KLHL6: variants seen among roughly 807,000 people sequenced by gnomAD.
KLHL6 encodes the protein kelch like family member 6, also known as kelch-like protein 6.
A neutral mutation model predicts 58.6 loss-of-function variants in KLHL6; 41 were observed. The ratio of observed to expected loss-of-function variants is 0.70; its 90% confidence interval spans 0.55 to 0.91. The LOEUF (loss-of-function observed/expected upper bound fraction) is 0.91. KLHL6 is among the 40% of genes least tolerant of loss of function. KLHL6 has a pLI of 0.00. For missense variants in KLHL6, 714 were observed against 805.6 expected (o/e 0.89, Z 1.38); for synonymous variants, 338 against 322.7 (o/e 1.05, Z -0.51).
chr3:183,550,152 AG>A (rs1712862454), intron 1 of KLHL6, among the ~76,000 whole-genome samples: 1 of 152,226 alleles, frequency 6.6e-6, no homozygotes, highest in Non-Finnish European at 1.5e-5. Context: ...GATTCTCAAC[AG>A]GTTGGAAGAT....
intron 3 of KLHL6, among the ~76,000 whole-genome samples, chr3:183,500,960 C>T (rs1717850829): frequency 6.6e-6 from 1 of 152,252 alleles, no homozygotes; most frequent in Non-Finnish European, 1.5e-5. Flanking sequence ...GACCAGCCAA[C>T]TCCCAGCCTC....
intron 1 of KLHL6, among the ~76,000 whole-genome samples, chr3:183,531,453 T>A (rs796790051): frequency 3.2e-5 from 4 of 124,154 alleles, no homozygotes; most frequent in Non-Finnish European, 6.4e-5. Context: ...GTTTTTTTTT[T>A]TTTTTTTTTT....
At chr3:183,528,072 T>C (rs1192248326) in intron 1 of KLHL6, 62 bp from the exon 2 acceptor site, 3 of 1,585,600 alleles carry the variant, frequency 1.9e-6, no homozygotes, top group Non-Finnish European at 2.6e-6. Flanking sequence ...CCTAAAGAGA[T>C]CCCCTTTCAG....
chr3:183,545,979 T>C (rs1224982263), intron 1 of KLHL6, among the ~76,000 whole-genome samples: 2 of 152,240 alleles, frequency 1.3e-5, no homozygotes, highest in Non-Finnish European at 2.9e-5. Flanking sequence ...GTTCGTTCAC[T>C]TCACGCATTT....
chr3:183,491,798 G>A lies in KLHL6; in HGVS notation c.*129C>T. 1 of 771,430 alleles carries A rather than the reference G, an allele frequency of 1.3e-6. No homozygotes were observed. The highest frequency in any genetic ancestry group is 1.9e-6 in the Non-Finnish European group (1 of 528,316). 47.8% of individuals were successfully genotyped at this position (771,430 alleles called of 1,614,324 possible). ...GTGACTTCCAAGGTTCCCCCAAAGT[G>A]AGTCAAGGGGATCCCCTGATGTATG... On this transcript the variant is annotated 3_prime_UTR_variant, in exon 7 of 7. Coordinates refer to ENST00000341319, the MANE Select transcript of KLHL6 (RefSeq NM_130446.4).
chr3:183,492,356 G>A lies in KLHL6; in HGVS notation c.1565-128C>T. On this transcript the variant is annotated intron_variant, in intron 6 of 6. Transcript: ENST00000341319. The surrounding 1 kb of genome is among the most constrained non-coding windows in gnomAD (Gnocchi z 5.9). ...TGCCAAGAGAAACAGTCGATTGATG[G>A]CTCTCCTGAAAGCCAGAGTGGGTCC... The A allele has an allele frequency of 7.7e-7, 1 of 1,301,772 alleles. No individual in the cohort carries two copies. Among genetic ancestry groups the A allele is most frequent in the East Asian group, 2.5e-5 (1 of 39,760 alleles). 80.6% of individuals were successfully genotyped at this position (1,301,772 alleles called of 1,614,324 possible). A position where few individuals can be genotyped will look rare whatever the true frequency, so the allele number is the denominator to read the frequency against.
At chr3:183,523,296 C>T (rs1711833229) in intron 2 of KLHL6, among the ~76,000 whole-genome samples, 3 of 152,266 alleles carry the variant, frequency 2.0e-5, no homozygotes, top group Non-Finnish European at 2.9e-5. Flanking sequence ...GCTGTCTCAT[C>T]TGCATTAGCC....
At position 183,489,284 on chromosome 3, in the gene KLHL6, A is replaced by G. The variant is rs16857672; in HGVS notation, c.*2643T>C. ...GAGTAAGACTGACTTTTCCTTCACA[A>G]ATCAGTTCACAAATGGTTCTGGTGG... On this transcript the variant is annotated 3_prime_UTR_variant, in exon 7 of 7. Transcript: ENST00000341319. 0.078 allele frequency: 11,804 copies of G among 152,166 alleles called. 1,142 individuals carry two copies. The highest frequency in any genetic ancestry group is 0.22 in the African/African-American group (9,323 of 41,438). The allele number at this position is 152,166 out of a possible 1,614,324, so 9.4% of individuals were successfully genotyped here. A position where few individuals can be genotyped will look rare whatever the true frequency, so the allele number is the denominator to read the frequency against.
intron 1 of KLHL6, among the ~76,000 whole-genome samples, chr3:183,553,123 CAA>C (rs1252248259): frequency 4.6e-5 from 7 of 152,180 alleles, no homozygotes; most frequent in Non-Finnish European, 7.3e-5. Flanking sequence ...TTGAAAATCC[CAA>C]GAGAAGAAGC....
intron 2 of KLHL6, among the ~76,000 whole-genome samples, chr3:183,513,602 G>A (rs1205534766): frequency 6.6e-6 from 1 of 152,166 alleles, no homozygotes; most frequent in Non-Finnish European, 1.5e-5. Flanking sequence ...ATCAAATCAA[G>A]TACTGAAGCT....
Position 183,499,840 on chromosome 3 carries a change from G to A in KLHL6, c.910-13C>T. ...GTTCCGAAATGATCTGGAAATCGAT[G>A]GGGGTACATGAAGGCAGGGACAACA... On this transcript the variant is annotated splice_polypyrimidine_tract_variant and intron_variant, in intron 3 of 6. Transcript: ENST00000341319. The surrounding 1 kb of genome is among the most constrained non-coding windows in gnomAD (Gnocchi z 4.6). The A allele has an allele frequency of 6.4e-7, 1 of 1,553,278 alleles. No individual in the cohort carries two copies. The highest frequency in any genetic ancestry group is 8.7e-7 in the Non-Finnish European group (1 of 1,144,912).
rs1334096928 is a variant in KLHL6, at chr3:183,489,471, T to C, written c.*2456A>G. The C allele has an allele frequency of 6.6e-6, 1 of 152,158 alleles. No individual in the cohort carries two copies. The highest frequency in any genetic ancestry group is 2.4e-5 in the African/African-American group (1 of 41,432). The allele number at this position is 152,158 out of a possible 1,614,324, so 9.4% of individuals were successfully genotyped here. ...CTTGAAGAAAATAAAAACAAGAATA[T>C]TAACTGGTGGCCTATTTACCTGTAT... is the stretch of plus-strand genomic sequence containing the variant. On this transcript the variant is annotated 3_prime_UTR_variant, in exon 7 of 7. Coordinates refer to ENST00000341319, the MANE Select transcript of KLHL6 (RefSeq NM_130446.4).
intron 2 of KLHL6, 152 bp from the exon 3 acceptor site, chr3:183,508,660 G>A: frequency 1.5e-6 from 1 of 647,064 alleles, no homozygotes. Context: ...CATTCATACA[G>A]TAGACTTAAA....
chr3:183,494,354 A>G, intron 4 of KLHL6, 73 bp from the exon 5 acceptor site: 1 of 1,333,498 alleles, frequency 7.5e-7, no homozygotes. Flanking sequence ...AATATCCCAC[A>G]TGTCCAAAAG....
In KLHL6 at chr3:183,508,488, G is replaced by A. The variant is rs1221518359; in HGVS notation, c.480C>T (p.Ala160=). ...NLFQFLRMVD[A]CASFLTEALN... ...AGGCTTCAGTGAGGAAGCTGGCACAGGCATCCACCATCCGCAGGAACTGAT... is the reference window on the plus strand; with the variant it reads ...AGGCTTCAGTGAGGAAGCTGGCACAAGCATCCACCATCCGCAGGAACTGAT... The change falls in exon 3 of 7, where the codon GCC becomes GCT. Residue 160 remains alanine (A), a synonymous_variant. Coordinates refer to ENST00000341319, the MANE Select transcript of KLHL6 (RefSeq NM_130446.4). The A allele has an allele frequency of 1.2e-6, 2 of 1,613,654 alleles. No individual in the cohort carries two copies. Among genetic ancestry groups the A allele is most frequent in the African/African-American group, 1.3e-5 (1 of 74,880 alleles).
At chr3:183,552,906 A>G (rs1712982211) in intron 1 of KLHL6, among the ~76,000 whole-genome samples, 1 of 151,984 alleles carries the variant, frequency 6.6e-6, no homozygotes, top group African/African-American at 2.4e-5. Context: ...GACACTCTGG[A>G]CTTTGGCTCA....
chr3:183,508,176 C>G lies in KLHL6; in HGVS notation c.792G>C (p.Pro264=), dbSNP rs776464906. 3 of 1,614,158 alleles carry G rather than the reference C, an allele frequency of 1.9e-6. No homozygotes were observed. Among genetic ancestry groups the G allele is most frequent in the East Asian group, 4.5e-5 (2 of 44,880 alleles). Residue 264 remains proline, a synonymous_variant, in exon 3 of 7, where the codon CCG becomes CCC. Transcript: ENST00000341319. ...LPYVLENVRL[P]LLDPWYFVET... ...CCACAAAGTACCACGGGTCCAGAAG[C>G]GGTAAGCGCACGTTCTCGAGGACAT...
chr3:183,544,990 G>A lies in KLHL6; in HGVS notation c.293+10371C>T, dbSNP rs536657120. 9.2e-5 allele frequency among the ~76,000 whole-genome samples: 14 copies of A among 152,182 alleles called. No homozygotes were observed. In the South Asian group the frequency reaches 1.2e-3, roughly 14 times the overall value. On this transcript the variant is annotated intron_variant, in intron 1 of 6. Coordinates refer to ENST00000341319, the MANE Select transcript of KLHL6 (RefSeq NM_130446.4). ...ATTTTCCCTCCAGAGCCAAGGCTAGGAGTCTCATAGCAGCCAATAGGCAAA... is the reference window on the plus strand; with the variant it reads ...ATTTTCCCTCCAGAGCCAAGGCTAGAAGTCTCATAGCAGCCAATAGGCAAA...
chr3:183,555,659 C>G lies in KLHL6; in HGVS notation c.-6G>C. On this transcript the variant is annotated 5_prime_UTR_variant, in exon 1 of 7. Coordinates refer to ENST00000341319, the MANE Select transcript of KLHL6 (RefSeq NM_130446.4). Reference sequence around the variant, plus strand: ...CTTTGTCCTGCCATCAACATCGAGACTGAAGGAGCGCCCAAGTGTCAGGCA... The same window carrying G: ...CTTTGTCCTGCCATCAACATCGAGAGTGAAGGAGCGCCCAAGTGTCAGGCA... 6.4e-7 allele frequency: 1 copy of G among 1,573,626 alleles called. No individual in the cohort carries two copies. The highest frequency in any genetic ancestry group is 1.2e-5 in the South Asian group (1 of 85,006).
Sources: gnomAD v4.1 joint callset for allele counts (sites outside exome capture counted in the v4.1 genomes callset) on GRCh38, gnomAD v4.1.1 for gene constraint, Gnocchi (gnomAD v3.1) non-coding constraint, MANE v1.5 for transcripts, NCBI Gene and HGNC (gene_info 2026-07-23, HGNC 2026-07-21) for gene names.